Variants in DNAH11 observed in about 807,000 individuals in gnomAD.
DNAH11 encodes the protein dynein axonemal heavy chain 11.
A neutral mutation model predicts 526.0 loss-of-function variants in DNAH11; 442 were observed. The observed-to-expected ratio is 0.84, with a 90% confidence interval of 0.78 to 0.91. The LOEUF (loss-of-function observed/expected upper bound fraction) is 0.91. DNAH11 is among the 40% of genes least tolerant of loss of function. DNAH11 has a pLI of 0.00. For synonymous variants in DNAH11, 2,461 were observed against 1,935.9 expected (o/e 1.27, Z -7.12); for missense variants, 6,989 against 5,448.7 (o/e 1.28, Z -8.90).
chr7:21,721,697 T>C (rs1477478617), intron 44 of DNAH11, among the ~76,000 whole-genome samples: 2 of 152,150 alleles, frequency 1.3e-5, no homozygotes, highest in African/African-American at 4.8e-5. Context: ...AATCTAATTA[T>C]GTCCCAAGGC....
rs563656825 is a variant in DNAH11 at position 21,815,463 on chromosome 7, G to T, written c.10333-1004G>T. Among the ~76,000 whole-genome samples, 7 of 152,196 alleles carry T rather than the reference G, an allele frequency of 4.6e-5. No individual in the cohort carries two copies. In the East Asian group the frequency reaches 1.4e-3, roughly 29 times the overall value. ...ACTTTTCCTATATTCGTATCAAATT[G>T]CATCCCAGCCTTAATGTGGGAATCC... On this transcript the variant is annotated intron_variant, in intron 63 of 81. Transcript: ENST00000409508.
chr7:21,631,116 A>G (rs1786583266), intron 25 of DNAH11, among the ~76,000 whole-genome samples: 1 of 152,174 alleles, frequency 6.6e-6, no homozygotes. Context: ...ATGGCAGCAG[A>G]CAAGAGAAGA....
chr7:21,732,180 C>T (rs1226297100), intron 45 of DNAH11, among the ~76,000 whole-genome samples: 1 of 152,162 alleles, frequency 6.6e-6, no homozygotes, highest in Non-Finnish European at 1.5e-5. Context: ...GCTCTGGAGG[C>T]TAGCAGTCCA....
intron 9 of DNAH11, among the ~76,000 whole-genome samples, chr7:21,586,990 C>T (rs1486813382): frequency 1.3e-5 from 2 of 152,214 alleles, no homozygotes; most frequent in African/African-American, 4.8e-5. Context: ...CTCCTTGTAA[C>T]TCAGTTTCCT....
chr7:21,638,738 G>C (rs964348051), intron 27 of DNAH11, among the ~76,000 whole-genome samples: 1 of 148,924 alleles, frequency 6.7e-6, no homozygotes, highest in African/African-American at 2.5e-5. Flanking sequence ...GTGTGTATTT[G>C]GCATAGTACT....
chr7:21,674,030 G>T (rs73273545), intron 30 of DNAH11, among the ~76,000 whole-genome samples: 30 of 18,896 alleles, frequency 1.6e-3, no homozygotes, highest in Admixed American at 6.1e-3. Context: ...GTTTTGTTTT[G>T]TGTGTGTGTG....
chr7:21,698,223 C>T lies in DNAH11; in HGVS notation c.6180+10C>T, dbSNP rs1354822418. ...GCTTCTCTCCAAGCAGGTGAGGGAT[C>T]ATTTGTTACGTTTTCTTGTTTTTAC... On this transcript the variant is annotated intron_variant, in intron 36 of 81. Transcript: ENST00000409508. The T allele has an allele frequency of 4.7e-5, 75 of 1,612,256 alleles. No individual in the cohort carries two copies. The highest frequency in any genetic ancestry group is 6.3e-5 in the Non-Finnish European group (74 of 1,179,264).
At position 21,690,228 on chromosome 7, in the gene DNAH11, G is replaced by A. The variant is rs200358936; in HGVS notation, c.5925-537G>A. On this transcript the variant is annotated intron_variant, in intron 34 of 81. Transcript: ENST00000409508. ...TAACTTGCCTAAAAGGGATATGCCTGGTATCTGAATACTCACAGTCTGGCT... is the reference window on the plus strand; with the variant it reads ...TAACTTGCCTAAAAGGGATATGCCTAGTATCTGAATACTCACAGTCTGGCT... Among the ~76,000 whole-genome samples the A allele has an allele frequency of 3.3e-5, 5 of 152,240 alleles. No individual in the cohort carries two copies. The East Asian group carries it at 9.6e-4, about 29-fold the overall frequency.
chr7:21,752,146 T>C (rs1786442261), intron 54 of DNAH11, among the ~76,000 whole-genome samples: 1 of 152,254 alleles, frequency 6.6e-6, no homozygotes, highest in Admixed American at 6.5e-5. Flanking sequence ...TTAAGAGCCA[T>C]TGTTATAAAT....
intron 65 of DNAH11, among the ~76,000 whole-genome samples, chr7:21,825,616 C>T (rs1359101121): frequency 5.4e-5 from 8 of 146,808 alleles, no homozygotes; most frequent in African/African-American, 1.7e-4. Flanking sequence ...TTCCTGCCTC[C>T]TTTTTTTTTT....
chr7:21,562,574 C>G (rs1302301750), intron 5 of DNAH11, among the ~76,000 whole-genome samples: 1 of 152,060 alleles, frequency 6.6e-6, no homozygotes, highest in African/African-American at 2.4e-5. Flanking sequence ...GAAAACACTT[C>G]TCAATAGAAC....
At position 21,606,648 on chromosome 7, in the gene DNAH11, C is replaced by A; in HGVS notation, c.3767C>A (p.Ala1256Glu). Residue 1256 changes from alanine (A) to glutamate (E), a missense_variant and splice_region_variant, in exon 20 of 82, where the codon GCA becomes GAA. Transcript: ENST00000409508. Reference protein sequence around the residue: ...LIRKKCILFDAKQAEFRERFR... With the variant: ...LIRKKCILFDEKQAEFRERFR... ...TTTTTTTTTTTTTGCAATGATCAGG[C>A]AAAGCAGGCAGAGTTCAGAGAGAGA... 7.0e-7 allele frequency: 1 copy of A among 1,438,060 alleles called. No individual in the cohort carries two copies. The allele number at this position is 1,438,060 out of a possible 1,614,324, so 89.1% of individuals were successfully genotyped here. A position where few individuals can be genotyped will look rare whatever the true frequency, so the allele number is the denominator to read the frequency against.
chr7:21,561,723 C>T (rs1017049008), intron 5 of DNAH11, among the ~76,000 whole-genome samples: 1 of 152,200 alleles, frequency 6.6e-6, no homozygotes, highest in Non-Finnish European at 1.5e-5. Context: ...TGTCCTTCCA[C>T]TCTCTAGTTT....
intron 39 of DNAH11, 50 bp from the exon 40 acceptor site, chr7:21,707,649 T>G: frequency 6.3e-7 from 1 of 1,579,404 alleles, no homozygotes; most frequent in South Asian, 1.2e-5. Context: ...TACTTTCCAT[T>G]TGGCTTATGT....
chr7:21,735,580 T>C, intron 45 of DNAH11, 60 bp from the exon 46 acceptor site: 1 of 1,471,714 alleles, frequency 6.8e-7, no homozygotes, highest in East Asian at 2.5e-5. Flanking sequence ...GGAATGCCTC[T>C]CTCTCGCACG....
Position 21,901,579 on chromosome 7 carries a change from AAGTACATCAT to A in DNAH11, c.*327_*336del, listed in dbSNP as rs1784859334. ...ACAAGACTCCATCTCAAAAAAAAAAAAGTACATCATAAAAGTACATCATATGTGAACATGC... is the reference window on the plus strand; with the variant it reads ...ACAAGACTCCATCTCAAAAAAAAAAAAAAAGTACATCATATGTGAACATGC... On this transcript the variant is annotated 3_prime_UTR_variant, in exon 82 of 82. Transcript: ENST00000409508. 1 of 184,838 alleles carries A rather than the reference AAGTACATCAT, an allele frequency of 5.4e-6. No individual in the cohort carries two copies. The highest frequency in any genetic ancestry group is 1.9e-4 in the South Asian group (1 of 5,214). 11.4% of individuals were successfully genotyped at this position (184,838 alleles called of 1,614,324 possible).
At chr7:21,898,770 C>A (rs924027724) in intron 79 of DNAH11, among the ~76,000 whole-genome samples, 1 of 152,204 alleles carries the variant, frequency 6.6e-6, no homozygotes, top group African/African-American at 2.4e-5. Flanking sequence ...CTCAACCCAC[C>A]GGCGTGCCAT....
intron 79 of DNAH11, among the ~76,000 whole-genome samples, chr7:21,897,629 T>G (rs1030186533): frequency 6.6e-6 from 1 of 152,178 alleles, no homozygotes; most frequent in Non-Finnish European, 1.5e-5. Context: ...AATTACACTT[T>G]TTTTTTGAGA....
chr7:21,893,981 C>T (rs1032826291), intron 77 of DNAH11, among the ~76,000 whole-genome samples: 3 of 152,166 alleles, frequency 2.0e-5, no homozygotes, highest in South Asian at 2.1e-4. Flanking sequence ...CTCTAACTCT[C>T]GGATTCAAGC....
Sources: allele counts gnomAD v4.1 joint callset (sites outside exome capture counted in the v4.1 genomes callset), GRCh38; gene constraint gnomAD v4.1.1; transcripts MANE v1.5; gene names NCBI Gene and HGNC (gene_info 2026-07-23, HGNC 2026-07-21).